KIF26B: variants seen among roughly 807,000 people sequenced by gnomAD.
KIF26B encodes kinesin-like protein KIF26B.
In KIF26B, 63 loss-of-function variants were observed where a neutral mutation model predicts 151.2. The ratio of observed to expected loss-of-function variants is 0.42; its 90% confidence interval spans 0.34 to 0.51. The LOEUF (loss-of-function observed/expected upper bound fraction) is 0.51. Among genes scored for constraint, KIF26B ranks in the 20% least tolerant of loss-of-function variants. The pLI is 0.07. For synonymous variants in KIF26B, 1,357 were observed against 1,262.1 expected (o/e 1.08, Z -1.59); for missense variants, 2,813 against 2,913.6 (o/e 0.97, Z 0.79).
At position 245,394,431 on chromosome 1, in the gene KIF26B, T is replaced by C. The variant is rs565661595; in HGVS notation, c.1000-25148T>C. Among the ~76,000 whole-genome samples the C allele has an allele frequency of 9.9e-4, 150 of 152,212 alleles. 1 individual carries two copies. The highest frequency in any genetic ancestry group is 3.6e-3 in the African/African-American group (148 of 41,532). On this transcript the variant is annotated intron_variant, in intron 3 of 14. Transcript: ENST00000407071. ...TGAGGTCAGGAGTTCAAGACAAACC[T>C]GGCCAACATGGTGAAATCCCATCTG...
chr1:245,586,665 T>C (rs577209347), intron 5 of KIF26B, among the ~76,000 whole-genome samples: 18 of 151,058 alleles, frequency 1.2e-4, no homozygotes, highest in Non-Finnish European at 2.2e-4. Context: ...GGGTGGATCA[T>C]GAGGTCAGGA....
intron 2 of KIF26B, among the ~76,000 whole-genome samples, chr1:245,314,626 C>T (rs936183829): frequency 6.6e-6 from 1 of 152,126 alleles, no homozygotes; most frequent in East Asian, 1.9e-4. Flanking sequence ...TCTCCTGGCT[C>T]ACCCTCACCT....
intron 14 of KIF26B, among the ~76,000 whole-genome samples, chr1:245,700,949 A>AT (rs1184090830): frequency 1.3e-5 from 2 of 151,988 alleles, no homozygotes; most frequent in African/African-American, 4.8e-5. Context: ...TCTCTCCTTC[A>AT]TTTTTGCTAT....
At chr1:245,529,589 A>T (rs1038147716) in intron 4 of KIF26B, among the ~76,000 whole-genome samples, 1 of 152,142 alleles carries the variant, frequency 6.6e-6, no homozygotes, top group Non-Finnish European at 1.5e-5. Context: ...TTTCTGCTTT[A>T]TTTTTGTGTA....
rs115480380 is a variant in KIF26B at position 245,361,750 on chromosome 1, C to T, written c.466-5084C>T. On this transcript the variant is annotated intron_variant, in intron 2 of 14. Transcript: ENST00000407071. ...GTCTCAGGCCTCACCTGGAGCAAAC[C>T]CTAATTCTAACACACTCTGTGTTCT... Among the ~76,000 whole-genome samples, 217 of 152,280 alleles carry T rather than the reference C, an allele frequency of 1.4e-3. 1 individual carries two copies. The highest frequency in any genetic ancestry group is 5.1e-3 in the African/African-American group (210 of 41,556).
At chr1:245,337,692 G>A (rs1217335248) in intron 2 of KIF26B, among the ~76,000 whole-genome samples, 2 of 152,080 alleles carry the variant, frequency 1.3e-5, no homozygotes, top group Non-Finnish European at 2.9e-5. Context: ...TATGGTGTGT[G>A]TGTTTATAGG....
intron 4 of KIF26B, among the ~76,000 whole-genome samples, chr1:245,496,661 C>T (rs6674480): frequency 0.025 from 3,772 of 152,084 alleles, 155 homozygotes; most frequent in African/African-American, 0.086. Context: ...TAATAGAAAA[C>T]AACTGTAAGA....
At chr1:245,503,821 G>A (rs915210939) in intron 4 of KIF26B, among the ~76,000 whole-genome samples, 3 of 152,204 alleles carry the variant, frequency 2.0e-5, no homozygotes, top group African/African-American at 7.2e-5. Context: ...TAAGGATCTG[G>A]TAGCTATTCC....
chr1:245,321,510 G>A (rs1671886192), intron 2 of KIF26B, among the ~76,000 whole-genome samples: 1 of 152,156 alleles, frequency 6.6e-6, no homozygotes, highest in South Asian at 2.1e-4. Context: ...CAAGAATTTT[G>A]TTTCTCTGAG....
intron 2 of KIF26B, among the ~76,000 whole-genome samples, chr1:245,242,883 A>G (rs557867431): frequency 2.0e-5 from 3 of 151,910 alleles, no homozygotes; most frequent in African/African-American, 7.3e-5. Context: ...AACTCCTGAC[A>G]TCATGATCTG....
chr1:245,515,379 C>T (rs1027245148), intron 4 of KIF26B, among the ~76,000 whole-genome samples: 2 of 152,170 alleles, frequency 1.3e-5, no homozygotes, highest in African/African-American at 4.8e-5. Flanking sequence ...ACTGTCATCT[C>T]TGTCTTAAAG....
chr1:245,377,007 T>C (rs1673292629), intron 3 of KIF26B, among the ~76,000 whole-genome samples: 1 of 150,614 alleles, frequency 6.6e-6, no homozygotes. Flanking sequence ...CTCTGCCTCC[T>C]GGGTTCAAGT....
intron 4 of KIF26B, among the ~76,000 whole-genome samples, chr1:245,536,454 T>C (rs114402128): frequency 1.2e-3 from 179 of 152,268 alleles, no homozygotes; most frequent in African/African-American, 4.2e-3. Flanking sequence ...GCAATAAACA[T>C]GGTAACCAAG....
chr1:245,672,891 G>C (rs1166296469), intron 10 of KIF26B, among the ~76,000 whole-genome samples: 2 of 152,046 alleles, frequency 1.3e-5, no homozygotes, highest in East Asian at 3.9e-4. Flanking sequence ...TAAAGAATGA[G>C]ATCAATAAAT....
intron 10 of KIF26B, among the ~76,000 whole-genome samples, chr1:245,673,351 C>T (rs1453073120): frequency 2.7e-5 from 3 of 112,142 alleles, no homozygotes; most frequent in East Asian, 7.2e-4. Context: ...CCCCGCTGCG[C>T]GCTGCCATCT....
At chr1:245,449,864 T>G (rs1431392014) in intron 4 of KIF26B, among the ~76,000 whole-genome samples, 2 of 152,362 alleles carry the variant, frequency 1.3e-5, no homozygotes, top group Admixed American at 1.3e-4. Context: ...CGTCATACTG[T>G]GTGCTTTTTA....
chr1:245,588,652 C>T (rs1345856323), intron 5 of KIF26B, among the ~76,000 whole-genome samples: 1 of 152,220 alleles, frequency 6.6e-6, no homozygotes, highest in African/African-American at 2.4e-5. Context: ...AAACCTAAAA[C>T]TTGAAAATGA....
intron 4 of KIF26B, among the ~76,000 whole-genome samples, chr1:245,445,030 A>G (rs1659215473): frequency 6.6e-6 from 1 of 152,118 alleles, no homozygotes; most frequent in Non-Finnish European, 1.5e-5. Context: ...CTGAACATGA[A>G]CCCCAAATTC....
At chr1:245,556,284 T>TTCCTCCTGCTTCCTCCC (rs1553287951) in intron 5 of KIF26B, among the ~76,000 whole-genome samples, 1 of 123,528 alleles carries the variant, frequency 8.1e-6, no homozygotes, top group African/African-American at 3.0e-5. Flanking sequence ...CTTCTTCTTC[T>TTCCTCCTGCTTCCTCCC]TCCTCCTCCT....
Sources: allele counts gnomAD v4.1 joint callset (sites outside exome capture counted in the v4.1 genomes callset), GRCh38; gene constraint gnomAD v4.1.1; transcripts MANE v1.5; gene names NCBI Gene and HGNC (gene_info 2026-07-23, HGNC 2026-07-21).